Variants in ZNF423 observed in about 807,000 individuals in gnomAD.
The protein encoded by ZNF423 is zinc finger protein 423.
ZNF423 carries 12 observed loss-of-function variants against 95.8 expected under a neutral mutation model. The ratio of observed to expected loss-of-function variants is 0.13; its 90% CI spans 0.08 to 0.20. ZNF423 has a LOEUF of 0.20. Among genes scored for constraint, ZNF423 ranks in the 10% least tolerant of loss-of-function variants. The pLI, the probability that ZNF423 is intolerant of heterozygous loss-of-function variation, is 1.00. For synonymous variants in ZNF423, 749 were observed against 711.9 expected (o/e 1.05, Z -0.83); for missense variants, 1,316 against 1,737.1 (o/e 0.76, Z 4.31).
chr16:49,581,095 A>T (rs1311831478), intron 5 of ZNF423, among the ~76,000 whole-genome samples: 4 of 151,928 alleles, frequency 2.6e-5, no homozygotes, highest in Admixed American at 2.6e-4. Flanking sequence ...ACACATACTC[A>T]CCACCCGCTC....
rs892049225 is a variant in ZNF423 at position 49,854,241 on chromosome 16, A to C, written c.40+1494T>G. 4.1e-6 allele frequency: 4 copies of C among 985,286 alleles called. No homozygotes were observed. The African/African-American group carries it at 5.2e-5, about 13-fold the overall frequency. 61.0% of individuals were successfully genotyped at this position (985,286 alleles called of 1,614,324 possible). A position where few individuals can be genotyped will look rare whatever the true frequency, so the allele number is the denominator to read the frequency against. Reference sequence around the variant, plus strand: ...CGAACAAGACCAACTTCTCTCAGGGAAAAGGAGGAGTAGGAACGGGCCGGG... The same window carrying C: ...CGAACAAGACCAACTTCTCTCAGGGCAAAGGAGGAGTAGGAACGGGCCGGG... On this transcript the variant is annotated intron_variant, in intron 1 of 7. Coordinates refer to ENST00000563137, the MANE Select transcript of ZNF423 (RefSeq NM_001379286.1).
chr16:49,735,724 C>T (rs1036694014), intron 2 of ZNF423, among the ~76,000 whole-genome samples: 1 of 152,140 alleles, frequency 6.6e-6, no homozygotes, highest in Admixed American at 6.5e-5. Context: ...GGAGAGAGAG[C>T]ACATAGGGGC....
chr16:49,839,957 A>C (rs566194094), intron 1 of ZNF423, among the ~76,000 whole-genome samples: 1 of 152,344 alleles, frequency 6.6e-6, no homozygotes, highest in South Asian at 2.1e-4. Flanking sequence ...TAATTTGCTT[A>C]ACAGAAATAT....
At chr16:49,774,399 C>T (rs1254978097) in intron 2 of ZNF423, among the ~76,000 whole-genome samples, 2 of 152,100 alleles carry the variant, frequency 1.3e-5, no homozygotes, top group Non-Finnish European at 2.9e-5. Context: ...CCCAGTCCTG[C>T]CCACCAGGAG....
intron 5 of ZNF423, among the ~76,000 whole-genome samples, chr16:49,535,392 C>G (rs1391755151): frequency 6.6e-6 from 1 of 152,206 alleles, no homozygotes; most frequent in African/African-American, 2.4e-5. Flanking sequence ...TGCTCAGAGA[C>G]ACATCATTAG....
intron 1 of ZNF423, among the ~76,000 whole-genome samples, chr16:49,821,996 C>CT (rs1258048177): frequency 7.9e-5 from 12 of 152,112 alleles, no homozygotes; most frequent in African/African-American, 2.7e-4. Context: ...TTCCACATCC[C>CT]TATCCTGCTA....
chr16:49,592,971 G>A (rs1971057138), intron 5 of ZNF423, among the ~76,000 whole-genome samples: 1 of 152,188 alleles, frequency 6.6e-6, no homozygotes, highest in Admixed American at 6.5e-5. Flanking sequence ...TCTGGAGAAG[G>A]GTCAGTCATC....
intron 2 of ZNF423, among the ~76,000 whole-genome samples, chr16:49,739,814 T>A (rs573555907): frequency 6.8e-6 from 1 of 146,718 alleles, no homozygotes; most frequent in East Asian, 2.3e-4. Flanking sequence ...TCCTCCCACA[T>A]CAGCTTCCCG....
intron 7 of ZNF423, among the ~76,000 whole-genome samples, chr16:49,520,402 C>T (rs74426243): frequency 0.038 from 3,820 of 99,578 alleles, 155 homozygotes; most frequent in African/African-American, 0.15. Context: ...CTCCTGTTAA[C>T]GCAACCTAAG....
intron 5 of ZNF423, among the ~76,000 whole-genome samples, chr16:49,564,418 G>A (rs1235507807): frequency 6.6e-6 from 1 of 152,172 alleles, no homozygotes; most frequent in Admixed American, 6.5e-5. Flanking sequence ...CAATGGGAAG[G>A]AACCCCTTCT....
At chr16:49,517,865 T>C (rs1968217547) in intron 7 of ZNF423, 2 of 433,384 alleles carry the variant, frequency 4.6e-6, no homozygotes, top group Admixed American at 2.7e-5. Context: ...AATCTCTTCA[T>C]TTTATTCCAT....
chr16:49,613,495 C>T (rs997043964), intron 5 of ZNF423, among the ~76,000 whole-genome samples: 2 of 152,192 alleles, frequency 1.3e-5, no homozygotes, highest in African/African-American at 4.8e-5. Flanking sequence ...GAGTTCAACA[C>T]CAGATGGGCA....
intron 5 of ZNF423, among the ~76,000 whole-genome samples, chr16:49,612,772 C>G (rs1340901078): frequency 1.3e-5 from 2 of 152,068 alleles, no homozygotes; most frequent in Admixed American, 6.6e-5. Flanking sequence ...ATTGTCTATG[C>G]TGAAAATCCC....
intron 7 of ZNF423, among the ~76,000 whole-genome samples, chr16:49,500,657 C>T (rs190848264): frequency 4.6e-5 from 7 of 151,954 alleles, no homozygotes; most frequent in South Asian, 2.1e-4. Flanking sequence ...GGCTCATGCC[C>T]GGAATCCCAG....
At chr16:49,836,696 T>C (rs192891954) in intron 1 of ZNF423, among the ~76,000 whole-genome samples, 15 of 152,248 alleles carry the variant, frequency 9.9e-5, no homozygotes, top group Non-Finnish European at 1.8e-4. Flanking sequence ...CAGAGAGCCC[T>C]GGACGCACAA....
At chr16:49,790,391 G>T (rs2034392881) in intron 1 of ZNF423, among the ~76,000 whole-genome samples, 2 of 152,244 alleles carry the variant, frequency 1.3e-5, no homozygotes, top group Non-Finnish European at 2.9e-5. Context: ...ACTGTGCTGG[G>T]GCTTTGCAGC....
At chr16:49,661,560 C>T (rs2030230128) in intron 3 of ZNF423, among the ~76,000 whole-genome samples, 1 of 152,242 alleles carries the variant, frequency 6.6e-6, no homozygotes. Context: ...CCAGCCTGGG[C>T]TTCCCTGTCT....
intron 2 of ZNF423, among the ~76,000 whole-genome samples, chr16:49,747,143 T>C (rs2033541914): frequency 6.6e-6 from 1 of 152,154 alleles, no homozygotes; most frequent in Admixed American, 6.5e-5. Flanking sequence ...GCCGTGAGAG[T>C]ATCTGCTGCA....
At chr16:49,676,073 T>C (rs2031033581) in intron 3 of ZNF423, among the ~76,000 whole-genome samples, 1 of 152,196 alleles carries the variant, frequency 6.6e-6, no homozygotes, top group Admixed American at 6.5e-5. Context: ...ACATCAGCCA[T>C]GGTTAGTAAA....
Sources: allele counts gnomAD v4.1 joint callset (sites outside exome capture counted in the v4.1 genomes callset), GRCh38; gene constraint gnomAD v4.1.1; transcripts MANE v1.5; gene names NCBI Gene and HGNC (gene_info 2026-07-23, HGNC 2026-07-21).